Variants in RPS6KC1 observed in about 807,000 individuals in gnomAD.
The protein encoded by RPS6KC1 is inactive ribosomal protein S6 kinase delta-1.
Under a neutral mutation model 103.8 loss-of-function variants are expected in RPS6KC1, and 54 were observed. The ratio of observed to expected loss-of-function variants is 0.52; its 90% CI spans 0.42 to 0.65. The LOEUF (loss-of-function observed/expected upper bound fraction) is 0.65. Among genes scored for constraint, RPS6KC1 ranks in the 30% least tolerant of loss-of-function variants. The probability of loss-of-function intolerance (pLI) is 0.00; values close to 1 mark genes in which losing one functional copy is unlikely to be tolerated. For missense variants in RPS6KC1, 1,151 were observed against 1,253.8 expected (o/e 0.92, Z 1.24); for synonymous variants, 439 against 438.7 (o/e 1.00, Z -0.01).
chr1:213,857,031 C>T, the RPS6KC1 span, among the ~76,000 whole-genome samples: 4 of 152,300 alleles, frequency 2.6e-5, no homozygotes, highest in East Asian at 7.7e-4. Flanking sequence ...TGATCTATTG[C>T]TATGATATTA....
the RPS6KC1 span, among the ~76,000 whole-genome samples, chr1:213,575,493 A>G: frequency 1.4e-4 from 21 of 152,126 alleles, no homozygotes; most frequent in Admixed American, 2.0e-4. Context: ...ATAGTGAGTG[A>G]GTTCTCTTGA....
At chr1:213,517,705 G>A in the RPS6KC1 span, among the ~76,000 whole-genome samples, 2 of 152,218 alleles carry the variant, frequency 1.3e-5, no homozygotes, top group Admixed American at 1.3e-4. Flanking sequence ...TGTATATTCT[G>A]TTGATTTGGG....
the RPS6KC1 span, among the ~76,000 whole-genome samples, chr1:213,348,071 T>C: frequency 6.6e-6 from 1 of 152,160 alleles, no homozygotes; most frequent in East Asian, 1.9e-4. Flanking sequence ...ATGACCTCAG[T>C]CATCTCTTTA....
chr1:213,525,979 T>A, the RPS6KC1 span, among the ~76,000 whole-genome samples: 5 of 152,150 alleles, frequency 3.3e-5, no homozygotes, highest in Non-Finnish European at 7.4e-5. Flanking sequence ...GGGGCTATTC[T>A]GAAGGGAGAT....
chr1:213,135,185 T>C (rs1032196376), intron 6 of RPS6KC1, among the ~76,000 whole-genome samples: 2 of 152,172 alleles, frequency 1.3e-5, no homozygotes, highest in Admixed American at 6.5e-5. Flanking sequence ...CAATTGTGCT[T>C]TTTTTCTTCT....
the RPS6KC1 span, among the ~76,000 whole-genome samples, chr1:213,678,106 G>A: frequency 6.6e-6 from 1 of 152,100 alleles, no homozygotes; most frequent in Admixed American, 6.5e-5. Context: ...CCGGCACAGG[G>A]CTATCAACCA....
chr1:213,151,921 C>T (rs1394414311), intron 6 of RPS6KC1, among the ~76,000 whole-genome samples: 14 of 120,150 alleles, frequency 1.2e-4, no homozygotes, highest in African/African-American at 4.0e-4. Flanking sequence ...GCTGGCCGGG[C>T]GGGGGGCTGA....
chr1:213,338,769 ATT>A, the RPS6KC1 span, among the ~76,000 whole-genome samples: 34 of 138,298 alleles, frequency 2.5e-4, no homozygotes, highest in African/African-American at 5.3e-4. Flanking sequence ...GTCTTGCAGC[ATT>A]TTTTTTTTTT....
chr1:213,271,689 G>A (rs561414155), intron 14 of RPS6KC1, among the ~76,000 whole-genome samples: 151 of 149,160 alleles, frequency 1.0e-3, no homozygotes, highest in South Asian at 1.7e-3. Flanking sequence ...ACGTGAACCC[G>A]GGAGGCGGAG....
chr1:213,705,255 T>G, the RPS6KC1 span, among the ~76,000 whole-genome samples: 1 of 151,848 alleles, frequency 6.6e-6, no homozygotes, highest in Non-Finnish European at 1.5e-5. Context: ...CTGTCCGGGA[T>G]CCAGGGACTA....
the RPS6KC1 span, among the ~76,000 whole-genome samples, chr1:213,745,368 T>G: frequency 1.3e-5 from 2 of 148,648 alleles, no homozygotes; most frequent in South Asian, 4.3e-4. Flanking sequence ...GGGCTGTTTG[T>G]GGAATCAAAA....
chr1:213,790,638 C>T, the RPS6KC1 span, among the ~76,000 whole-genome samples: 10 of 152,222 alleles, frequency 6.6e-5, no homozygotes, highest in Admixed American at 2.6e-4. Context: ...AGAGAGAAAA[C>T]GTTTTGCCGT....
chr1:213,354,240 C>T, the RPS6KC1 span, among the ~76,000 whole-genome samples: 1 of 152,218 alleles, frequency 6.6e-6, no homozygotes, highest in South Asian at 2.1e-4. Flanking sequence ...AAGCTCTTAG[C>T]ATCACCTGGC....
chr1:213,728,403 T>C, the RPS6KC1 span, among the ~76,000 whole-genome samples: 2 of 152,202 alleles, frequency 1.3e-5, no homozygotes, highest in East Asian at 3.9e-4. Flanking sequence ...GTACATTAAA[T>C]ATCCCTTCTC....
At chr1:213,333,714 A>G in the RPS6KC1 span, among the ~76,000 whole-genome samples, 2 of 152,078 alleles carry the variant, frequency 1.3e-5, no homozygotes, top group Non-Finnish European at 2.9e-5. Flanking sequence ...GCTGGAGTGC[A>G]GTGGTACAAT....
the RPS6KC1 span, among the ~76,000 whole-genome samples, chr1:213,445,752 A>G: frequency 6.6e-6 from 1 of 152,212 alleles, no homozygotes; most frequent in African/African-American, 2.4e-5. Flanking sequence ...CGCCTGGGAA[A>G]TGGGGACTGG....
chr1:213,210,848 G>A (rs1299941860), intron 8 of RPS6KC1, among the ~76,000 whole-genome samples: 1 of 152,206 alleles, frequency 6.6e-6, no homozygotes, highest in East Asian at 1.9e-4. Context: ...AGTTGGATAT[G>A]TATTGATCGA....
chr1:213,700,516 A>G, the RPS6KC1 span, among the ~76,000 whole-genome samples: 1 of 152,004 alleles, frequency 6.6e-6, no homozygotes, highest in Non-Finnish European at 1.5e-5. Context: ...TGTTTTGCTT[A>G]AGATGACTTT....
chr1:213,304,299 C>T, the RPS6KC1 span, among the ~76,000 whole-genome samples: 10 of 151,630 alleles, frequency 6.6e-5, no homozygotes, highest in South Asian at 2.1e-3. Context: ...ATCACTGAAG[C>T]CTCATTACAA....
Sources: allele counts gnomAD v4.1 joint callset (sites outside exome capture counted in the v4.1 genomes callset), GRCh38; gene constraint gnomAD v4.1.1; transcripts MANE v1.5; gene names NCBI Gene and HGNC (gene_info 2026-07-23, HGNC 2026-07-21).